CADPS: variants seen among roughly 807,000 people sequenced by gnomAD.
CADPS encodes calcium-dependent secretion activator 1.
A neutral mutation model predicts 167.3 loss-of-function variants in CADPS; 57 were observed. The observed-to-expected ratio is 0.34, with a 90% CI of 0.28 to 0.42. CADPS has a LOEUF of 0.42. Among genes scored for constraint, CADPS ranks in the 20% least tolerant of loss-of-function variants. CADPS has a pLI of 1.00. For synonymous variants in CADPS, 676 were observed against 635.3 expected (o/e 1.06, Z -0.96); for missense variants, 1,414 against 1,738.1 (o/e 0.81, Z 3.32).
rs1256267990 is a variant in CADPS at position 62,516,626 on chromosome 3, C to T, written c.2411G>A (p.Gly804Asp). 5.0e-6 allele frequency: 8 copies of T among 1,602,356 alleles called. No homozygotes were observed. Among genetic ancestry groups the T allele is most frequent in the African/African-American group, 2.7e-5 (2 of 74,626 alleles). The change falls in exon 15 of 30, where the codon GGT becomes GAT. Residue 804 changes from glycine to aspartate, a missense_variant. Around this residue, in one of 6 missense-constraint regions of CADPS, gnomAD observed 529 missense variants for 629.6 expected, o/e 0.84. Coordinates refer to ENST00000383710, the MANE Select transcript of CADPS (RefSeq NM_003716.4). ...AGCTTTCAAAGCACCTTCAGGTCGA[C>T]CAAATGGAAAGCAATACCTAAAAAA... ...ITHFRYCFPF[G>D]RPEGALKATL...
At chr3:62,730,860 A>C (rs1017003415) in intron 3 of CADPS, among the ~76,000 whole-genome samples, 1 of 152,234 alleles carries the variant, frequency 6.6e-6, no homozygotes, top group Non-Finnish European at 1.5e-5. Flanking sequence ...GGAATTTGGC[A>C]TATGTATGAG....
chr3:62,679,532 C>G (rs1172971213), intron 3 of CADPS, among the ~76,000 whole-genome samples: 1 of 151,964 alleles, frequency 6.6e-6, no homozygotes, highest in Admixed American at 6.6e-5. Context: ...GATGGGCTCC[C>G]AAGTAACTCA....
At chr3:62,675,438 T>G (rs571739819) in intron 3 of CADPS, among the ~76,000 whole-genome samples, 52 of 152,250 alleles carry the variant, frequency 3.4e-4, no homozygotes, top group African/African-American at 1.2e-3. Context: ...AATTTAAACT[T>G]AGCTTGAGTT....
chr3:62,612,284 C>G (rs2061606493), intron 6 of CADPS, among the ~76,000 whole-genome samples: 1 of 152,220 alleles, frequency 6.6e-6, no homozygotes, highest in Admixed American at 6.5e-5. Flanking sequence ...ATTAAGGTGT[C>G]ATGAGGTTAA....
chr3:62,682,604 A>G (rs1377998247), intron 3 of CADPS, among the ~76,000 whole-genome samples: 1 of 152,222 alleles, frequency 6.6e-6, no homozygotes, highest in South Asian at 2.1e-4. Context: ...CTAGTTTAAC[A>G]TTGCAAAATC....
At chr3:62,530,637 C>T (rs1427200919) in intron 13 of CADPS, 2 of 1,277,184 alleles carry the variant, frequency 1.6e-6, no homozygotes, top group Admixed American at 4.8e-5. Flanking sequence ...CAAGCCAATA[C>T]ACACATAACT....
intron 1 of CADPS, among the ~76,000 whole-genome samples, chr3:62,815,402 G>T (rs985541587): frequency 6.6e-6 from 1 of 151,854 alleles, no homozygotes; most frequent in African/African-American, 2.4e-5. Context: ...TCTATGGTCC[G>T]AGAAATCAGG....
At chr3:62,711,574 A>G (rs2083397381) in intron 3 of CADPS, among the ~76,000 whole-genome samples, 1 of 152,222 alleles carries the variant, frequency 6.6e-6, no homozygotes, top group African/African-American at 2.4e-5. Context: ...TTAGCTAGTG[A>G]GAGTGATTAG....
In CADPS at chr3:62,550,284, G is replaced by A. The variant is rs536031707; in HGVS notation, c.1754-169C>T. ...ATTCACTTGTCCACAGAGTGGGACC[G>A]TGATGTTGAAGAAGTATTTCTGAGC... is the stretch of plus-strand genomic sequence containing the variant. On this transcript the variant is annotated intron_variant, in intron 10 of 29. Transcript: ENST00000383710. Among the ~76,000 whole-genome samples the A allele has an allele frequency of 2.6e-5, 4 of 152,232 alleles. No homozygotes were observed. The East Asian group carries it at 7.7e-4, about 29-fold the overall frequency.
At chr3:62,777,952 G>A (rs897937217) in intron 1 of CADPS, among the ~76,000 whole-genome samples, 10 of 152,152 alleles carry the variant, frequency 6.6e-5, no homozygotes, top group Non-Finnish European at 1.2e-4. Flanking sequence ...ATTGTACTGA[G>A]GTTTCAGAGA....
At chr3:62,731,188 C>T (rs2077711863) in intron 3 of CADPS, among the ~76,000 whole-genome samples, 1 of 152,128 alleles carries the variant, frequency 6.6e-6, no homozygotes, top group Admixed American at 6.6e-5. Flanking sequence ...TTTCAGTCTC[C>T]TGTATAAAAG....
At position 62,842,215 on chromosome 3, in the gene CADPS, C is replaced by T. The variant is rs139853489; in HGVS notation, c.441+32374G>A. On this transcript the variant is annotated intron_variant, in intron 1 of 29. Transcript: ENST00000383710. ...AACAGTTACCAGTGCCAACGCTTTA[C>T]GTATATTATCTCATCTAATTTTCAG... Among the ~76,000 whole-genome samples, 71 of 152,270 alleles carry T rather than the reference C, an allele frequency of 4.7e-4. 1 individual carries two copies. Among genetic ancestry groups the T allele is most frequent in the African/African-American group, 1.6e-3 (66 of 41,536 alleles).
intron 3 of CADPS, among the ~76,000 whole-genome samples, chr3:62,689,282 G>T (rs914146256): frequency 6.6e-6 from 1 of 151,910 alleles, no homozygotes; most frequent in Non-Finnish European, 1.5e-5. Context: ...ATGACCTTAG[G>T]TGGCTTATAA....
At chr3:62,581,769 G>A (rs1219907601) in intron 8 of CADPS, among the ~76,000 whole-genome samples, 1 of 152,138 alleles carries the variant, frequency 6.6e-6, no homozygotes, top group Non-Finnish European at 1.5e-5. Flanking sequence ...TGGGTGTCGG[G>A]GGGGCATTTA....
intron 3 of CADPS, among the ~76,000 whole-genome samples, chr3:62,727,639 A>G (rs1430685570): frequency 6.6e-6 from 1 of 151,842 alleles, no homozygotes; most frequent in East Asian, 1.9e-4. Context: ...TAGAGGAATT[A>G]TTTTGCAAAC....
intron 11 of CADPS, among the ~76,000 whole-genome samples, chr3:62,537,778 G>C (rs2074991872): frequency 6.6e-6 from 1 of 151,642 alleles, no homozygotes; most frequent in African/African-American, 2.4e-5. Flanking sequence ...TGTAAGCTTG[G>C]GTTATGGTTA....
chr3:62,426,429 G>T (rs1308044843), intron 28 of CADPS, among the ~76,000 whole-genome samples: 2 of 152,154 alleles, frequency 1.3e-5, no homozygotes, highest in Non-Finnish European at 2.9e-5. Flanking sequence ...GATTACAGGC[G>T]TGAGCCACCG....
At chr3:62,748,793 G>A (rs1394484164) in intron 3 of CADPS, among the ~76,000 whole-genome samples, 1 of 152,068 alleles carries the variant, frequency 6.6e-6, no homozygotes, top group East Asian at 1.9e-4. Context: ...CTGTAGCCCT[G>A]ACTTCCCAGG....
chr3:62,724,324 C>A (rs970012424), intron 3 of CADPS, among the ~76,000 whole-genome samples: 16 of 152,172 alleles, frequency 1.1e-4, no homozygotes, highest in African/African-American at 3.4e-4. Context: ...CTGATGAACT[C>A]ATCAGCTCTC....
Sources: gnomAD v4.1 joint callset for allele counts (sites outside exome capture counted in the v4.1 genomes callset) on GRCh38, gnomAD v4.1.1 for gene constraint, gnomAD v4.1.1 regional missense constraint, MANE v1.5 for transcripts, NCBI Gene and HGNC (gene_info 2026-07-23, HGNC 2026-07-21) for gene names.